PRRC2A: variants seen among roughly 807,000 people sequenced by gnomAD.
The protein encoded by PRRC2A is protein PRRC2A.
PRRC2A carries 59 observed loss-of-function variants against 224.6 expected under a neutral mutation model. That is an observed-to-expected ratio of 0.26 (90% confidence interval 0.21 to 0.33). The LOEUF (loss-of-function observed/expected upper bound fraction) is 0.33. Ranked by LOEUF, PRRC2A falls within the 10% of genes least tolerant of loss-of-function variation. PRRC2A has a pLI of 1.00. For missense variants in PRRC2A, 3,095 were observed against 2,880.7 expected (o/e 1.07, Z -1.70); for synonymous variants, 1,194 against 1,109.5 (o/e 1.08, Z -1.51).
rs3993756 is a variant in PRRC2A at position 31,623,259 on chromosome 6, A to ATTTT, written c.112+380_112+383dup. On this transcript the variant is annotated intron_variant, in intron 2 of 30. Transcript: ENST00000376033. ...AGCCTTCTTGATAGGGATTTCATAG[A>ATTTT]TTTTTTTTTTTTTTTTTTTTTTTTT... 1,132 of 323,672 alleles carry ATTTT rather than the reference A, an allele frequency of 3.5e-3. 22 individuals are homozygous for ATTTT. The highest frequency in any genetic ancestry group is 0.015 in the African/African-American group (386 of 25,292). 20.1% of individuals were successfully genotyped at this position (323,672 alleles called of 1,614,324 possible).
Position 31,636,853 on chromosome 6 carries a change from C to G in PRRC2A, c.6055C>G (p.Pro2019Ala). 3 of 1,612,802 alleles carry G rather than the reference C, an allele frequency of 1.9e-6. No individual in the cohort carries two copies. The highest frequency in any genetic ancestry group is 2.5e-6 in the Non-Finnish European group (3 of 1,180,022). ...ACCTGTGGGCCCTGCTCTGCAGCCC[C>G]CCAGCCTGGCTGTGCGGCCCCCACC... ...LLPVGPALQP[P>A]SLAVRPPPAP... Residue 2019 changes from proline (P) to alanine (A), a missense_variant, in exon 28 of 31, where the codon CCC becomes GCC. Around this residue, in one of 8 missense-constraint regions of PRRC2A, gnomAD observed 662 missense variants for 609.5 expected, o/e 1.09. Transcript: ENST00000376033. This position sits in a 1 kb window ranked among gnomAD's most constrained non-coding sequence, Gnocchi z 4.3.
chr6:31,627,666 TGCATCCTGCAAGTA>T lies in PRRC2A; in HGVS notation c.1291-96_1291-83del. On this transcript the variant is annotated intron_variant, in intron 11 of 30. Transcript: ENST00000376033. The surrounding 1 kb of genome is among the most constrained non-coding windows in gnomAD (Gnocchi z 5.6). ...AGATCAACCCCAAAGCCTGGGTCGTTGCATCCTGCAAGTAGCGACAGTTGATTTGTTGTAAAAGA... is the reference window on the plus strand; with the variant it reads ...AGATCAACCCCAAAGCCTGGGTCGTTGCGACAGTTGATTTGTTGTAAAAGA... The T allele has an allele frequency of 6.9e-7, 1 of 1,456,028 alleles. No homozygotes were observed. The highest frequency in any genetic ancestry group is 9.2e-7 in the Non-Finnish European group (1 of 1,086,920). The allele number at this position is 1,456,028 out of a possible 1,614,324, so 90.2% of individuals were successfully genotyped here.
rs191748563 is a variant in PRRC2A at position 31,633,723 on chromosome 6, A to G, written c.4588+76A>G. 684 of 1,541,442 alleles carry G rather than the reference A, an allele frequency of 4.4e-4. 2 individuals carry two copies. In the African/African-American group the frequency reaches 5.4e-3, roughly 12 times the overall value. ...AAGTGCTGGAGGGAGCGGGTGGAGA[A>G]CCTGGCCTAGGGACCCTGCTGCTGG... On this transcript the variant is annotated intron_variant, in intron 17 of 30. Transcript: ENST00000376033.
In PRRC2A at chr6:31,627,146, C is replaced by G. The variant is rs747783380; in HGVS notation, c.1238C>G (p.Pro413Arg). The G allele has an allele frequency of 6.2e-7, 1 of 1,613,526 alleles. No homozygotes were observed. The highest frequency in any genetic ancestry group is 8.5e-7 in the Non-Finnish European group (1 of 1,179,882). ...CCTCCTGCCCCAAAGCCTCCCCTAC[C>G]CCCACCTCACCGGGGCCCCGCCGGG... is the stretch of plus-strand genomic sequence containing the variant. The part of the protein sequence containing the change: ...PGPPAPKPPL[P>R]PPHRGPAGNW... Residue 413 changes from proline to arginine, a missense_variant, in exon 11 of 31, where the codon CCC (proline) becomes CGC (arginine). Coordinates refer to ENST00000376033, the MANE Select transcript of PRRC2A (RefSeq NM_004638.4). This position sits in a 1 kb window ranked among gnomAD's most constrained non-coding sequence, Gnocchi z 5.6.
Position 31,637,126 on chromosome 6 carries a change from C to T in PRRC2A, c.6232C>T (p.Pro2078Ser). ...LGGPGSSRTPPTGRSFSGLNS... is the reference protein window; with the variant it reads ...LGGPGSSRTPSTGRSFSGLNS... The stretch of plus-strand genomic sequence containing the variant: ...GGGACCTGGATCATCACGGACTCCC[C>T]CAACTGGAAGGTGAAACGGAATAGG... The change falls in exon 29 of 31, where the codon CCA becomes TCA. Residue 2078 changes from proline (P) to serine (S), a missense_variant. By Grantham distance (74) the Pro-to-Ser change is moderately conservative. Around this residue, in one of 8 missense-constraint regions of PRRC2A, gnomAD observed 662 missense variants for 609.5 expected, o/e 1.09. Transcript: ENST00000376033. 1.2e-6 allele frequency: 2 copies of T among 1,610,954 alleles called. No individual in the cohort carries two copies. The highest frequency in any genetic ancestry group is 1.7e-6 in the Non-Finnish European group (2 of 1,178,804).
rs2272593 is a variant in PRRC2A, at chr6:31,633,567, T to C, written c.4508T>C (p.Leu1503Pro). Residue 1503 changes from leucine to proline, a missense_variant, in exon 17 of 31, where the codon CTT becomes CCT. By Grantham distance (98) the Leu-to-Pro change is moderately conservative. Coordinates refer to ENST00000376033, the MANE Select transcript of PRRC2A (RefSeq NM_004638.4). ...GGTCATCCAAGGCACAAGCCTGGGCTTCCCCAAGCCCCTCAGGGCCCCTCT... is the reference window on the plus strand; with the variant it reads ...GGTCATCCAAGGCACAAGCCTGGGCCTCCCCAAGCCCCTCAGGGCCCCTCT... ...PGGHPRHKPG[L>P]PQAPQGPSPR... 0.75 allele frequency: 1,207,786 copies of C among 1,612,872 alleles called. 455,807 individuals are homozygous for C. The highest frequency in any genetic ancestry group is 0.98 in the East Asian group (44,039 of 44,872).
At chr6:31,623,236 C>T (rs1775505317) in intron 2 of PRRC2A, 1 of 595,498 alleles carries the variant, frequency 1.7e-6, no homozygotes, top group Non-Finnish European at 3.1e-6. Flanking sequence ...CATATCTCAG[C>T]CTTCTTGATA....
rs757115695 is a variant in PRRC2A at position 31,635,156 on chromosome 6, C to A, written c.5185C>A (p.Pro1729Thr). 1.1e-5 allele frequency: 17 copies of A among 1,613,984 alleles called. No homozygotes were observed. The African/African-American group carries it at 2.3e-4, about 22-fold the overall frequency. Residue 1729 changes from proline (P) to threonine (T), a missense_variant, in exon 22 of 31, where the codon CCC (proline) becomes ACC (threonine). By Grantham distance (38) the Pro-to-Thr change is conservative (BLOSUM62 -1). Around this residue, in one of 8 missense-constraint regions of PRRC2A, gnomAD observed 662 missense variants for 609.5 expected, o/e 1.09. Transcript: ENST00000376033. ...GGAGCTGCCCCGGGAGCAGCCTCTG[C>A]CCCCTGGCCCCATTGGCACAGAACG... The part of the protein sequence containing the change: ...RKELPREQPL[P>T]PGPIGTERSQ...
At chr6:31,633,034 A>T (rs1310249726) in intron 16 of PRRC2A, 42 bp downstream of exon 16, 2 of 1,462,214 alleles carry the variant, frequency 1.4e-6, no homozygotes, top group Admixed American at 5.3e-5. Context: ...TAAAAATTGG[A>T]GGAGGGGGAA....
rs1389156851 is a variant in PRRC2A at position 31,632,653 on chromosome 6, G to A, written c.3980G>A (p.Ser1327Asn). The A allele has an allele frequency of 1.2e-6, 2 of 1,612,996 alleles. No homozygotes were observed. The highest frequency in any genetic ancestry group is 1.7e-6 in the Non-Finnish European group (2 of 1,180,040). Residue 1327 changes from serine (S) to asparagine (N), a missense_variant, in exon 16 of 31, where the codon AGC becomes AAC. By Grantham distance (46) the Ser-to-Asn change is conservative. Transcript: ENST00000376033. ...GAGGAATGGGAGACTGCATCAGAGA[G>A]CAGTGACTTCACCAGTGAGCGCCGA... is the stretch of plus-strand genomic sequence containing the variant. The part of the protein sequence containing the change: ...ANEEWETASE[S>N]SDFTSERRGD...
In PRRC2A at chr6:31,631,393, G is replaced by T; in HGVS notation, c.2720G>T (p.Gly907Val). 1 of 1,607,474 alleles carries T rather than the reference G, an allele frequency of 6.2e-7. No homozygotes were observed. Among genetic ancestry groups the T allele is most frequent in the Non-Finnish European group, 8.5e-7 (1 of 1,177,876 alleles). Reference protein sequence around the residue: ...EAGRKPARGVGSGGQGPPPPR... With the variant: ...EAGRKPARGVVSGGQGPPPPR... ...GGCCGAAAGCCTGCCCGCGGAGTCG[G>T]GAGTGGAGGCCAGGGCCCCCCACCA... Residue 907 changes from glycine (G) to valine (V), a missense_variant, in exon 16 of 31, where the codon GGG (glycine) becomes GTG (valine). This residue lies in a region of PRRC2A where 2,001 missense variants were observed against 1,764.9 expected (regional missense o/e 1.13). Coordinates refer to ENST00000376033, the MANE Select transcript of PRRC2A (RefSeq NM_004638.4). The surrounding 1 kb of genome is among the most constrained non-coding windows in gnomAD (Gnocchi z 4.5).
At chr6:31,628,898 A>G (rs2736165) in intron 12 of PRRC2A, 23,108 of 489,430 alleles carry the variant, frequency 0.047, 922 homozygotes, top group African/African-American at 0.14. Context: ...TATTTCCTAT[A>G]GGCCAAGACT....
Position 31,632,119 on chromosome 6 carries a change from C to G in PRRC2A, c.3446C>G (p.Ala1149Gly). 6.4e-7 allele frequency: 1 copy of G among 1,556,692 alleles called. No individual in the cohort carries two copies. The highest frequency in any genetic ancestry group is 8.7e-7 in the Non-Finnish European group (1 of 1,151,174). Reference sequence around the variant, plus strand: ...CCACCAGGAGCCCCACCTTCACCAGCCCCAGCCCGCTTCACTGCCCGGGGT... The same window carrying G: ...CCACCAGGAGCCCCACCTTCACCAGGCCCAGCCCGCTTCACTGCCCGGGGT... ...PPPPGAPPSP[A>G]PARFTARGGR... Residue 1149 changes from alanine (A) to glycine (G), a missense_variant, in exon 16 of 31, where the codon GCC becomes GGC. By Grantham distance (60) the Ala-to-Gly change is moderately conservative. Transcript: ENST00000376033.
chr6:31,637,430 C>A lies in PRRC2A; in HGVS notation c.6334-16C>A. On this transcript the variant is annotated splice_polypyrimidine_tract_variant and intron_variant, in intron 30 of 30. Coordinates refer to ENST00000376033, the MANE Select transcript of PRRC2A (RefSeq NM_004638.4). ...TCTCACTGTGACTCACTGTTTAACA[C>A]ATGCCTGTCCCCTAGGCCTCCCCAC... 1 of 1,591,938 alleles carries A rather than the reference C, an allele frequency of 6.3e-7. No homozygotes were observed.
intron 1 of PRRC2A, 21 bp downstream of exon 1, chr6:31,620,879 C>G (rs1202292714): frequency 1.3e-5 from 2 of 154,646 alleles, no homozygotes; most frequent in African/African-American, 4.8e-5. Context: ...GTGAACCGTG[C>G]GCTGACGCCC....
Position 31,632,453 on chromosome 6 carries a change from G to A in PRRC2A, c.3780G>A (p.Leu1260=). The A allele has an allele frequency of 1.9e-6, 3 of 1,605,686 alleles. No individual in the cohort carries two copies. The highest frequency in any genetic ancestry group is 2.7e-5 in the African/African-American group (2 of 74,866). The change falls in exon 16 of 31, where the codon CTG becomes CTA. Residue 1260 remains leucine (L), a synonymous_variant. Transcript: ENST00000376033. ...ATAAACCGCCTCGTTTCCGGAGGCT[G>A]AAGCAGGAACGGGAGAATGCCGCAA... is the stretch of plus-strand genomic sequence containing the variant. ...QQDKPPRFRR[L]KQERENAARG...
chr6:31,627,166 G>A lies in PRRC2A; in HGVS notation c.1258G>A (p.Ala420Thr), dbSNP rs368037803. The change falls in exon 11 of 31, where the codon GCC (alanine) becomes ACC (threonine). Residue 420 changes from alanine to threonine, a missense_variant. Physicochemically the swap from Ala to Thr is moderately conservative, Grantham distance 58. This residue lies in a region of PRRC2A where 2,001 missense variants were observed against 1,764.9 expected (regional missense o/e 1.13). Transcript: ENST00000376033. This position sits in a 1 kb window ranked among gnomAD's most constrained non-coding sequence, Gnocchi z 5.6. Reference sequence around the variant, plus strand: ...CCTACCCCCACCTCACCGGGGCCCCGCCGGGAACTGGGGCCCCCCTGGGGA... The same window carrying A: ...CCTACCCCCACCTCACCGGGGCCCCACCGGGAACTGGGGCCCCCCTGGGGA... ...PPLPPPHRGP[A>T]GNWGPPGDYP... 1.6e-5 allele frequency: 26 copies of A among 1,612,672 alleles called. No homozygotes were observed. The highest frequency in any genetic ancestry group is 6.7e-5 in the African/African-American group (5 of 74,882).
In PRRC2A at chr6:31,627,226, G is replaced by T. The variant is rs1776015225; in HGVS notation, c.1290+28G>T. 1 of 1,478,244 alleles carries T rather than the reference G, an allele frequency of 6.8e-7. No homozygotes were observed. The highest frequency in any genetic ancestry group is 1.4e-5 in the African/African-American group (1 of 71,386). 91.6% of individuals were successfully genotyped at this position (1,478,244 alleles called of 1,614,324 possible). ...GAGTGTCTCCAATAAGGGATTGAGA[G>T]GGTCAGCTGTGGGAAATTGGTGTCA... is the stretch of plus-strand genomic sequence containing the variant. On this transcript the variant is annotated intron_variant, in intron 11 of 30. Transcript: ENST00000376033. This position sits in a 1 kb window ranked among gnomAD's most constrained non-coding sequence, Gnocchi z 5.6.
At chr6:31,622,624 G>A (rs1055356402) in intron 1 of PRRC2A, 66 bp from the exon 2 acceptor site, 8 of 586,428 alleles carry the variant, frequency 1.4e-5, no homozygotes, top group Non-Finnish European at 2.4e-5. Context: ...ACACCAGAGG[G>A]CCTCATATCT....
Sources: allele counts gnomAD v4.1 joint callset, GRCh38; gene constraint gnomAD v4.1.1; regional missense constraint gnomAD v4.1.1; non-coding constraint Gnocchi (gnomAD v3.1); transcripts MANE v1.5; gene names NCBI Gene and HGNC (gene_info 2026-07-23, HGNC 2026-07-21).